MYO16: variants seen among roughly 807,000 people sequenced by gnomAD.
The protein encoded by MYO16 is myosin XVI.
MYO16 carries 94 observed loss-of-function variants against 205.3 expected under a neutral mutation model. That is an observed-to-expected ratio of 0.46 (90% CI 0.39 to 0.54). The LOEUF is 0.54. MYO16 is among the 20% of genes least tolerant of loss of function. The pLI, the probability that MYO16 is intolerant of heterozygous loss-of-function variation, is 0.00. For synonymous variants in MYO16, 988 were observed against 954.0 expected (o/e 1.04, Z -0.66); for missense variants, 2,315 against 2,387.5 (o/e 0.97, Z 0.63).
rs1277634978 is a variant in MYO16 at position 109,086,032 on chromosome 13, A to G, written c.3336-14753A>G. ...AGACTAGAGAAAATATGTTAAAACA[A>G]GTTCAAATGAAAAATAGATTTATAG... On this transcript the variant is annotated intron_variant, in intron 27 of 34. Coordinates refer to ENST00000457511, the MANE Select transcript of MYO16 (RefSeq NM_001198950.3). Among the ~76,000 whole-genome samples the G allele has an allele frequency of 3.9e-5, 6 of 152,242 alleles. 1 individual carries two copies. Among genetic ancestry groups the G allele is most frequent in the Non-Finnish European group, 7.3e-5 (5 of 68,040 alleles).
At chr13:108,968,422 C>A (rs1162311419) in intron 20 of MYO16, among the ~76,000 whole-genome samples, 2 of 152,092 alleles carry the variant, frequency 1.3e-5, no homozygotes, top group Non-Finnish European at 2.9e-5. Context: ...CCAGGCTGAA[C>A]AACATGGCGA....
intron 2 of MYO16, among the ~76,000 whole-genome samples, chr13:108,706,499 CAAG>C (rs1005356805): frequency 1.3e-5 from 2 of 152,150 alleles, no homozygotes; most frequent in Admixed American, 6.5e-5. Context: ...GCCAGTGATT[CAAG>C]AAGCACTGCA....
chr13:108,969,239 T>A (rs892308925), intron 20 of MYO16, among the ~76,000 whole-genome samples: 65 of 152,206 alleles, frequency 4.3e-4, no homozygotes, highest in Non-Finnish European at 8.8e-5. Flanking sequence ...GCAATGAAAA[T>A]ATAATCTTAA....
chr13:108,574,728 T>C, the MYO16 span, among the ~76,000 whole-genome samples: 1 of 151,778 alleles, frequency 6.6e-6, no homozygotes, highest in Non-Finnish European at 1.5e-5. Flanking sequence ...TGTATTTGTA[T>C]ATGTATGAGT....
intron 14 of MYO16, among the ~76,000 whole-genome samples, chr13:108,890,159 G>T (rs1226875962): frequency 7.4e-6 from 1 of 134,590 alleles, no homozygotes; most frequent in African/African-American, 2.8e-5. Context: ...TCCCAAGCTG[G>T]TCTCGAACTC....
At chr13:109,171,996 C>G (rs1594156097) in intron 33 of MYO16, among the ~76,000 whole-genome samples, 1 of 152,236 alleles carries the variant, frequency 6.6e-6, no homozygotes, top group South Asian at 2.1e-4. Context: ...TTTGCAGGAC[C>G]AGGAAATCTG....
chr13:108,666,828 G>A (rs1176775028), intron 2 of MYO16, among the ~76,000 whole-genome samples: 2 of 152,044 alleles, frequency 1.3e-5, no homozygotes, highest in East Asian at 3.9e-4. Context: ...ATATACTCTT[G>A]TATGTGAATT....
At chr13:108,809,153 A>G (rs2138988212) in intron 7 of MYO16, among the ~76,000 whole-genome samples, 1 of 152,344 alleles carries the variant, frequency 6.6e-6, no homozygotes, top group East Asian at 1.9e-4. Flanking sequence ...CTCCCTCTCC[A>G]GTGTGCCTAC....
At chr13:108,584,940 AT>A in the MYO16 span, among the ~76,000 whole-genome samples, 1 of 152,226 alleles carries the variant, frequency 6.6e-6, no homozygotes, top group African/African-American at 2.4e-5. Flanking sequence ...AAAGTTAGAA[AT>A]TTAATGGCTT....
At chr13:108,561,950 A>G in the MYO16 span, among the ~76,000 whole-genome samples, 4 of 152,196 alleles carry the variant, frequency 2.6e-5, no homozygotes, top group Admixed American at 6.5e-5. Flanking sequence ...ACATGTAGGC[A>G]TTTGTGAGCC....
At chr13:109,204,269 G>A (rs988242233) in intron 34 of MYO16, among the ~76,000 whole-genome samples, 2 of 152,300 alleles carry the variant, frequency 1.3e-5, no homozygotes, top group East Asian at 1.9e-4. Context: ...AAGAAAACTT[G>A]GGGAAAATAA....
intron 20 of MYO16, among the ~76,000 whole-genome samples, chr13:108,981,507 A>G (rs1884446540): frequency 2.0e-5 from 3 of 152,220 alleles, no homozygotes; most frequent in African/African-American, 7.2e-5. Context: ...ATACAACTGC[A>G]ATGATGGTGT....
At chr13:108,510,182 T>C in the MYO16 span, among the ~76,000 whole-genome samples, 14 of 152,126 alleles carry the variant, frequency 9.2e-5, no homozygotes, top group Non-Finnish European at 1.8e-4. Context: ...AATGGCGCTA[T>C]CTCGGCTCAC....
intron 10 of MYO16, among the ~76,000 whole-genome samples, chr13:108,854,103 C>T (rs1878044216): frequency 1.3e-5 from 2 of 152,098 alleles, no homozygotes; most frequent in South Asian, 2.1e-4. Context: ...AAGCAATTCT[C>T]GTGCCTCAGC....
intron 1 of MYO16, among the ~76,000 whole-genome samples, chr13:108,601,305 T>C (rs1283488908): frequency 6.6e-6 from 1 of 152,160 alleles, no homozygotes; most frequent in Non-Finnish European, 1.5e-5. Context: ...CTGTTATTTA[T>C]TTTAGCTGTA....
At chr13:108,977,010 A>T (rs1474859829) in intron 20 of MYO16, among the ~76,000 whole-genome samples, 2 of 152,166 alleles carry the variant, frequency 1.3e-5, no homozygotes, top group Non-Finnish European at 2.9e-5. Flanking sequence ...CTCCCCAGAG[A>T]CAACAATATT....
intron 13 of MYO16, among the ~76,000 whole-genome samples, chr13:108,887,808 T>A (rs1879972657): frequency 6.6e-6 from 1 of 152,210 alleles, no homozygotes; most frequent in South Asian, 2.1e-4. Context: ...TTTATGTTCA[T>A]TTCAAAGAAC....
chr13:108,799,215 T>C (rs1856277), intron 6 of MYO16, among the ~76,000 whole-genome samples: 64,217 of 152,062 alleles, frequency 0.42, 13,920 homozygotes, highest in African/African-American at 0.51. Flanking sequence ...AAGTGTCCAA[T>C]CCCATATTAT....
chr13:108,495,953 G>C, the MYO16 span, among the ~76,000 whole-genome samples: 1 of 152,170 alleles, frequency 6.6e-6, no homozygotes, highest in South Asian at 2.1e-4. Flanking sequence ...CGCTGCGCGC[G>C]GTCCAAGCGC....
Sources: gnomAD v4.1 joint callset for allele counts (sites outside exome capture counted in the v4.1 genomes callset) on GRCh38, gnomAD v4.1.1 for gene constraint, MANE v1.5 for transcripts, NCBI Gene and HGNC (gene_info 2026-07-23, HGNC 2026-07-21) for gene names.